Variants in CCDC7 observed in about 807,000 individuals in gnomAD.
CCDC7 encodes the protein coiled-coil domain-containing protein 7.
Under a neutral mutation model 196.9 loss-of-function variants are expected in CCDC7, and 183 were observed. The observed-to-expected ratio is 0.93, with a 90% confidence interval of 0.82 to 1.05. CCDC7 has a LOEUF of 1.05. CCDC7 is among the 50% of genes least tolerant of loss of function. The pLI is 0.00. For synonymous variants in CCDC7, 525 were observed against 484.6 expected, an observed-to-expected ratio of 1.08 and a Z score of -1.10; for missense variants, 1,540 against 1,482.2, an observed-to-expected ratio of 1.04 and a Z score of -0.64.
intron 18 of CCDC7, among the ~76,000 whole-genome samples, chr10:32,630,178 T>C (rs371717848): frequency 2.4e-4 from 36 of 152,108 alleles, no homozygotes; most frequent in African/African-American, 8.4e-4. Flanking sequence ...CTTTGTTTTT[T>C]TTGTCCTTGA....
intron 3 of CCDC7, among the ~76,000 whole-genome samples, chr10:32,461,307 C>T (rs1423437191): frequency 6.6e-6 from 1 of 152,082 alleles, no homozygotes; most frequent in Non-Finnish European, 1.5e-5. Context: ...GAACACTGGA[C>T]ATTAGCCTGC....
At chr10:32,587,754 T>C (rs1341160328) in intron 18 of CCDC7, among the ~76,000 whole-genome samples, 2 of 152,350 alleles carry the variant, frequency 1.3e-5, no homozygotes, top group East Asian at 3.9e-4. Context: ...TTGTTTCTTT[T>C]TATTTTCTAA....
intron 18 of CCDC7, among the ~76,000 whole-genome samples, chr10:32,591,270 C>A (rs1438333555): frequency 6.6e-6 from 1 of 151,972 alleles, no homozygotes; most frequent in Non-Finnish European, 1.5e-5. Flanking sequence ...AATAGCCCCT[C>A]TTGAAACTCT....
intron 28 of CCDC7, among the ~76,000 whole-genome samples, chr10:32,737,063 A>G (rs1028226053): frequency 6.6e-6 from 1 of 152,152 alleles, no homozygotes; most frequent in Non-Finnish European, 1.5e-5. Flanking sequence ...GTTTTTAAAA[A>G]TCATAAATGG....
chr10:32,485,558 G>A (rs970468268), intron 8 of CCDC7, among the ~76,000 whole-genome samples: 2 of 152,060 alleles, frequency 1.3e-5, no homozygotes, highest in African/African-American at 4.8e-5. Context: ...GTTTGCTCTT[G>A]CTTCTCTAGT....
At chr10:32,855,084 A>G (rs2093698140) in intron 41 of CCDC7, among the ~76,000 whole-genome samples, 1 of 152,230 alleles carries the variant, frequency 6.6e-6, no homozygotes, top group African/African-American at 2.4e-5. Flanking sequence ...CTTTTCATGC[A>G]TTGGAAATAT....
At chr10:32,604,959 T>G (rs2061419660) in intron 18 of CCDC7, among the ~76,000 whole-genome samples, 1 of 152,194 alleles carries the variant, frequency 6.6e-6, no homozygotes, top group South Asian at 2.1e-4. Context: ...GTTTAGATAT[T>G]TGTCCCACCC....
chr10:32,535,130 T>C (rs991715790), intron 11 of CCDC7, among the ~76,000 whole-genome samples: 1 of 150,992 alleles, frequency 6.6e-6, no homozygotes, highest in African/African-American at 2.4e-5. Flanking sequence ...GGTGAAAAAC[T>C]CCGGGCAGAT....
At chr10:32,825,409 A>C (rs1048026754) in intron 32 of CCDC7, among the ~76,000 whole-genome samples, 1 of 152,196 alleles carries the variant, frequency 6.6e-6, no homozygotes, top group Non-Finnish European at 1.5e-5. Flanking sequence ...AAGCAGACAG[A>C]AAAACGTGAA....
intron 11 of CCDC7, among the ~76,000 whole-genome samples, chr10:32,535,976 T>C (rs968495658): frequency 6.6e-6 from 1 of 152,156 alleles, no homozygotes; most frequent in East Asian, 1.9e-4. Flanking sequence ...ATAAAATGCA[T>C]CTATTTAGAT....
At chr10:32,563,085 C>T (rs2056062268) in intron 13 of CCDC7, among the ~76,000 whole-genome samples, 1 of 152,058 alleles carries the variant, frequency 6.6e-6, no homozygotes, top group African/African-American at 2.4e-5. Flanking sequence ...AGGAATCCAA[C>T]TTACAAGGGA....
chr10:32,759,394 A>G (rs1009201129), intron 28 of CCDC7, among the ~76,000 whole-genome samples: 2 of 152,226 alleles, frequency 1.3e-5, no homozygotes, highest in Non-Finnish European at 2.9e-5. Flanking sequence ...ACCAAAACAG[A>G]GATATGGACC....
intron 9 of CCDC7, among the ~76,000 whole-genome samples, chr10:32,515,887 C>T (rs1348493631): frequency 1.3e-5 from 2 of 152,036 alleles, no homozygotes; most frequent in African/African-American, 4.8e-5. Context: ...TATCAAAGAA[C>T]TAAATTTAAG....
intron 41 of CCDC7, among the ~76,000 whole-genome samples, chr10:32,872,442 G>T (rs2094462926): frequency 6.6e-6 from 1 of 151,828 alleles, no homozygotes; most frequent in South Asian, 2.1e-4. Flanking sequence ...CTCTGCACGT[G>T]AGATGGGTTT....
chr10:32,793,753 T>G lies in CCDC7; in HGVS notation c.3014-11262T>G, dbSNP rs568854046. 3.9e-5 allele frequency among the ~76,000 whole-genome samples: 6 copies of G among 152,342 alleles called. No homozygotes were observed. In the South Asian group the frequency reaches 1.2e-3, roughly 32 times the overall value. ...TGTCATATTATTGATTGTAGTGCAT[T>G]TATTACATTGTGCTTCAAAAAATGC... On this transcript the variant is annotated intron_variant, in intron 29 of 41. Transcript: ENST00000639629.
intron 29 of CCDC7, among the ~76,000 whole-genome samples, chr10:32,793,813 A>AC (rs1317010949): frequency 1.3e-5 from 2 of 152,106 alleles, no homozygotes; most frequent in Non-Finnish European, 2.9e-5. Context: ...ATTTATCGAG[A>AC]CTGTTTTGTG....
chr10:32,860,934 T>A (rs2093956849), intron 41 of CCDC7, among the ~76,000 whole-genome samples: 1 of 152,156 alleles, frequency 6.6e-6, no homozygotes, highest in South Asian at 2.1e-4. Context: ...TGGAAAAACA[T>A]TCCATGGTCA....
At chr10:32,487,903 G>T (rs534783296) in intron 8 of CCDC7, among the ~76,000 whole-genome samples, 2 of 152,320 alleles carry the variant, frequency 1.3e-5, no homozygotes, top group East Asian at 3.9e-4. Context: ...TTTCTGGGGG[G>T]TGCCTCCCAT....
chr10:32,644,262 AG>A (rs1164262626), intron 20 of CCDC7, among the ~76,000 whole-genome samples: 3 of 152,182 alleles, frequency 2.0e-5, no homozygotes, highest in African/African-American at 7.2e-5. Flanking sequence ...TATTTGCTGT[AG>A]TACCCTACTG....
Sources: gnomAD v4.1 joint callset for allele counts (sites outside exome capture counted in the v4.1 genomes callset) on GRCh38, gnomAD v4.1.1 for gene constraint, MANE v1.5 for transcripts, NCBI Gene and HGNC (gene_info 2026-07-23, HGNC 2026-07-21) for gene names.